Variants in ISG20 observed in about 807,000 individuals in gnomAD.
ISG20 encodes the protein interferon stimulated exonuclease gene 20.
A neutral mutation model predicts 11.1 loss-of-function variants in ISG20; 8 were observed. The ratio of observed to expected loss-of-function variants is 0.72; its 90% confidence interval spans 0.42 to 1.30. ISG20 has a LOEUF of 1.30. Ranked by LOEUF, ISG20 falls within the 50% of genes most tolerant of loss-of-function variation. The probability of loss-of-function intolerance (pLI) is 0.01; values close to 1 mark genes in which losing one functional copy is unlikely to be tolerated. For missense variants in ISG20, 243 were observed against 250.2 expected (o/e 0.97, Z 0.19); for synonymous variants, 110 against 101.7 (o/e 1.08, Z -0.49).
intron 2 of ISG20, chr15:88,646,916 A>T (rs1483779603): frequency 1.3e-5 from 2 of 152,284 alleles, no homozygotes; most frequent in Non-Finnish European, 2.9e-5. Flanking sequence ...GATTACAGGC[A>T]TGTGCCACCA....
At chr15:88,644,597 G>A (rs986624319) in intron 2 of ISG20, among the ~76,000 whole-genome samples, 3 of 151,928 alleles carry the variant, frequency 2.0e-5, no homozygotes, top group African/African-American at 4.8e-5. Context: ...CAGTTACAAG[G>A]GCCTGCATCA....
In ISG20 at chr15:88,650,197, C is replaced by G; in HGVS notation, c.229-1913C>G. 1.3e-6 allele frequency: 2 copies of G among 1,518,484 alleles called. No homozygotes were observed. Among genetic ancestry groups the G allele is most frequent in the Non-Finnish European group, 1.8e-6 (2 of 1,131,360 alleles). The allele number at this position is 1,518,484 out of a possible 1,614,324, so 94.1% of individuals were successfully genotyped here. ...GGGCCTGGACTAGCCACGAGCCGCCCCTTTCCCTAATAGAGCTCACATCTG... is the reference window on the plus strand; with the variant it reads ...GGGCCTGGACTAGCCACGAGCCGCCGCTTTCCCTAATAGAGCTCACATCTG... On this transcript the variant is annotated intron_variant, in intron 2 of 3. Transcript: ENST00000306072. The surrounding 1 kb of genome is among the most constrained non-coding windows in gnomAD (Gnocchi z 4.0).
upstream of ISG20, chr15:88,637,232 T>C (rs1221876030): frequency 6.6e-6 from 1 of 151,874 alleles, no homozygotes; most frequent in Non-Finnish European, 1.5e-5. Context: ...GGTTTAAACC[T>C]AAAAGAAAGG....
At chr15:88,636,493 T>C (rs1031650191), upstream of ISG20, among the ~76,000 whole-genome samples, 8 of 151,968 alleles carry the variant, frequency 5.3e-5, no homozygotes, top group Non-Finnish European at 1.0e-4. Flanking sequence ...ACAAGTAAAA[T>C]ACAGTTTCAG....
chr15:88,641,772 C>T (rs943252097), intron 2 of ISG20, among the ~76,000 whole-genome samples: 12 of 152,068 alleles, frequency 7.9e-5, no homozygotes, highest in Non-Finnish European at 1.5e-4. Context: ...GTTGGGACTA[C>T]AGGCACGAGC....
Position 88,655,426 on chromosome 15 carries a change from T to G in ISG20, c.441T>G (p.Leu147=). 1 of 1,614,100 alleles carries G rather than the reference T, an allele frequency of 6.2e-7. No individual in the cohort carries two copies. Among genetic ancestry groups the G allele is most frequent in the South Asian group, 1.1e-5 (1 of 91,086 alleles). ...LLHKSIQNSL[L]GHSSVEDARA... ...ACTTGTGTCTGCAGAACAGCCTGCT[T>G]GGACACAGCTCGGTGGAAGATGCGA... The change falls in exon 4 of 4, where the codon CTT becomes CTG. Residue 147 remains leucine, a synonymous_variant. Coordinates refer to ENST00000306072, the MANE Select transcript of ISG20 (RefSeq NM_002201.6).
chr15:88,641,105 G>T (rs2141389474), intron 2 of ISG20, among the ~76,000 whole-genome samples: 1 of 151,944 alleles, frequency 6.6e-6, no homozygotes. Flanking sequence ...TGGTTCTCTG[G>T]CCTCAGCCTC....
At position 88,639,510 on chromosome 15, in the gene ISG20, G is replaced by C; in HGVS notation, c.144G>C (p.Glu48Asp). Residue 48 changes from glutamate to aspartate, a missense_variant, in exon 2 of 4, where the codon GAG (glutamate) becomes GAC (aspartate). By Grantham distance (45) the Glu-to-Asp change is conservative (BLOSUM62 2). Coordinates refer to ENST00000306072, the MANE Select transcript of ISG20 (RefSeq NM_002201.6). The surrounding 1 kb of genome is among the most constrained non-coding windows in gnomAD (Gnocchi z 4.2). ...LYDKFIRPEG[E>D]ITDYRTRVSG... ...ACAAGTTCATCCGGCCTGAGGGAGA[G>C]ATCACCGATTACAGAACCCGGGTCA... The C allele has an allele frequency of 6.2e-7, 1 of 1,614,192 alleles. No individual in the cohort carries two copies. Among genetic ancestry groups the C allele is most frequent in the South Asian group, 1.1e-5 (1 of 91,092 alleles).
At chr15:88,645,987 AG>A (rs1415310858) in intron 2 of ISG20, among the ~76,000 whole-genome samples, 6 of 152,214 alleles carry the variant, frequency 3.9e-5, no homozygotes, top group Non-Finnish European at 5.9e-5. Flanking sequence ...AATACAAAAG[AG>A]TTCTGGCAGC....
At position 88,655,707 on chromosome 15, in the gene ISG20, C is replaced by T. The variant is rs1428940227; in HGVS notation, c.*176C>T. ...AGCTGGGTTAACAGTAGACAGGACC[C>T]ATTTCTGTGTGATGTTAGGAGGGAA... On this transcript the variant is annotated 3_prime_UTR_variant, in exon 4 of 4. Transcript: ENST00000306072. The T allele has an allele frequency of 2.1e-5, 11 of 533,058 alleles. No homozygotes were observed. The East Asian group carries it at 3.2e-4, about 16-fold the overall frequency. The allele number at this position is 533,058 out of a possible 1,614,324, so 33.0% of individuals were successfully genotyped here.
upstream of ISG20, chr15:88,639,010 G>A: frequency 2.8e-6 from 1 of 354,892 alleles, no homozygotes; most frequent in Admixed American, 4.5e-5. This position sits in a 1 kb window ranked among gnomAD's most constrained non-coding sequence, Gnocchi z 4.2. Context: ...ACCGCTGAGA[G>A]CAGCTGCAGT....
rs917820045 is a variant in ISG20, at chr15:88,655,437, C to T, written c.452C>T (p.Ser151Leu). 51 of 1,613,912 alleles carry T rather than the reference C, an allele frequency of 3.2e-5. No homozygotes were observed. Among genetic ancestry groups the T allele is most frequent in the Non-Finnish European group, 3.7e-5 (44 of 1,180,000 alleles). Residue 151 changes from serine (S) to leucine (L), a missense_variant, in exon 4 of 4, where the codon TCG becomes TTG. Physicochemically the swap from Ser to Leu is moderately radical, Grantham distance 145. Transcript: ENST00000306072. ...SIQNSLLGHSSVEDARATMEL... is the reference protein window; with the variant it reads ...SIQNSLLGHSLVEDARATMEL... ...CAGAACAGCCTGCTTGGACACAGCT[C>T]GGTGGAAGATGCGAGGGCAACGATG...
chr15:88,650,448 A>G lies in ISG20; in HGVS notation c.229-1662A>G. The stretch of plus-strand genomic sequence containing the variant: ...GGCAGGCGGGCTCTGGATTCATCCC[A>G]CTGGCTTCAAGGCCTGGCTTTGCCA... On this transcript the variant is annotated intron_variant, in intron 2 of 3. Transcript: ENST00000306072. The surrounding 1 kb of genome is among the most constrained non-coding windows in gnomAD (Gnocchi z 4.0). The G allele has an allele frequency of 6.8e-7, 1 of 1,465,644 alleles. No homozygotes were observed. The highest frequency in any genetic ancestry group is 9.0e-7 in the Non-Finnish European group (1 of 1,111,776). The allele number at this position is 1,465,644 out of a possible 1,614,324, so 90.8% of individuals were successfully genotyped here.
chr15:88,653,336 G>A (rs1392016269), intron 3 of ISG20, among the ~76,000 whole-genome samples: 1 of 152,156 alleles, frequency 6.6e-6, no homozygotes, highest in Non-Finnish European at 1.5e-5. Context: ...GAGCCTGGAG[G>A]GTCTTAGTCA....
intron 2 of ISG20, among the ~76,000 whole-genome samples, chr15:88,640,480 A>C (rs1020081318): frequency 6.6e-5 from 10 of 152,222 alleles, no homozygotes; most frequent in African/African-American, 2.4e-4. Flanking sequence ...GGAACTGTTA[A>C]CGCAGAGTTA....
chr15:88,639,435 T>G lies in ISG20; in HGVS notation c.69T>G (p.Ser23Arg), dbSNP rs771750914. ...EMVGLGPHRE[S>R]GLARCSLVNV... ...TGGGGCTGGGGCCCCACCGGGAGAG[T>G]GGCCTGGCTCGTTGCAGCCTCGTGA... The change falls in exon 2 of 4, where the codon AGT (serine) becomes AGG (arginine). Residue 23 changes from serine (S) to arginine (R), a missense_variant. Transcript: ENST00000306072. The surrounding 1 kb of genome is among the most constrained non-coding windows in gnomAD (Gnocchi z 4.2). 1.2e-6 allele frequency: 2 copies of G among 1,613,210 alleles called. No individual in the cohort carries two copies.
chr15:88,654,704 A>G (rs1473703725), intron 3 of ISG20, among the ~76,000 whole-genome samples: 3 of 152,208 alleles, frequency 2.0e-5, no homozygotes, highest in East Asian at 1.9e-4. Context: ...ATCATCAGTA[A>G]AATGGGGGAA....
At chr15:88,637,158 T>C (rs144862234), upstream of ISG20, among the ~76,000 whole-genome samples, 2 of 152,254 alleles carry the variant, frequency 1.3e-5, no homozygotes, top group Non-Finnish European at 2.9e-5. Context: ...GCAGGGGGTT[T>C]CAGAACAACC....
chr15:88,655,391 C>T (rs2058357548), intron 3 of ISG20, 24 bp from the exon 4 acceptor site: 1 of 1,604,502 alleles, frequency 6.2e-7, no homozygotes, highest in Non-Finnish European at 8.5e-7. Flanking sequence ...ATCCCAAGTC[C>T]CCACTCTATA....
Sources: gnomAD v4.1 joint callset for allele counts (sites outside exome capture counted in the v4.1 genomes callset) on GRCh38, gnomAD v4.1.1 for gene constraint, Gnocchi (gnomAD v3.1) non-coding constraint, MANE v1.5 for transcripts, NCBI Gene and HGNC (gene_info 2026-07-23, HGNC 2026-07-21) for gene names.